Variants in UBAC2 observed in about 807,000 individuals in gnomAD.
The protein encoded by UBAC2 is UBA domain containing 2, also known as ubiquitin-associated domain-containing protein 2.
In UBAC2, 26 loss-of-function variants were observed where a neutral mutation model predicts 44.0. That is an observed-to-expected ratio of 0.59 (90% CI 0.43 to 0.82). The LOEUF (loss-of-function observed/expected upper bound fraction) is 0.82, where lower values mean the gene tolerates loss of function less well. Ranked by LOEUF, UBAC2 falls within the 40% of genes least tolerant of loss-of-function variation. The pLI, the probability that UBAC2 is intolerant of heterozygous loss-of-function variation, is 0.00. For synonymous variants in UBAC2, 155 were observed against 154.3 expected, an observed-to-expected ratio of 1.00 and a Z score of -0.04; for missense variants, 329 against 419.4, an observed-to-expected ratio of 0.78 and a Z score of 1.88.
At chr13:99,226,353 G>A (rs1449434190) in intron 1 of UBAC2, among the ~76,000 whole-genome samples, 5 of 152,138 alleles carry the variant, frequency 3.3e-5, no homozygotes, top group Non-Finnish European at 7.4e-5. Context: ...CACCCGGTTA[G>A]TCAGCATATC....
chr13:99,245,309 G>A (rs1312780146), intron 4 of UBAC2, among the ~76,000 whole-genome samples: 10 of 152,164 alleles, frequency 6.6e-5, no homozygotes, highest in Non-Finnish European at 1.5e-4. Flanking sequence ...TAATTTGTAC[G>A]AAGTTAAGCT....
rs777627786 is a variant in UBAC2 at position 99,299,613 on chromosome 13, TAAAA to T, written c.390-14479_390-14476del. Among the ~76,000 whole-genome samples the T allele has an allele frequency of 7.2e-5, 11 of 152,202 alleles. No individual in the cohort carries two copies. The South Asian group carries it at 1.0e-3, about 14-fold the overall frequency. ...TCAGTGACTGGAATGAATAAATAGG[TAAAA>T]AAAATTTTAATGGGAAAAAATTTTA... is the stretch of plus-strand genomic sequence containing the variant. On this transcript the variant is annotated intron_variant, in intron 4 of 8. Transcript: ENST00000403766.
chr13:99,276,035 T>C (rs1430461665), intron 4 of UBAC2, among the ~76,000 whole-genome samples: 1 of 152,280 alleles, frequency 6.6e-6, no homozygotes, highest in Non-Finnish European at 1.5e-5. Context: ...AAATTTTGAT[T>C]TTTAGTATTG....
In UBAC2 at chr13:99,375,163, AG is replaced by A. The variant is rs547760424; in HGVS notation, c.927+7258del. Among the ~76,000 whole-genome samples, 26 of 152,264 alleles carry A rather than the reference AG, an allele frequency of 1.7e-4. No individual in the cohort carries two copies. The East Asian group carries it at 3.9e-3, about 23-fold the overall frequency. On this transcript the variant is annotated intron_variant, in intron 8 of 8. Coordinates refer to ENST00000403766, the MANE Select transcript of UBAC2 (RefSeq NM_001144072.2). ...AAGGAGCTCAGCCAGCCTTAACTAA[AG>A]ACCTGCTCCATACAAGACCCTGACG...
At chr13:99,313,072 C>T (rs2044435617) in intron 4 of UBAC2, 1 of 152,316 alleles carries the variant, frequency 6.6e-6, no homozygotes, top group Admixed American at 6.5e-5. Context: ...AGCTCTGCCT[C>T]CTGGATTCAC....
At chr13:99,372,386 GA>G in intron 8 of UBAC2, 1 of 154,172 alleles carries the variant, frequency 6.5e-6, no homozygotes, top group Non-Finnish European at 1.4e-5. Flanking sequence ...GCTGTGGGGG[GA>G]AAATGAAGGA....
chr13:99,253,957 G>A (rs1290440850), intron 4 of UBAC2, among the ~76,000 whole-genome samples: 1 of 152,180 alleles, frequency 6.6e-6, no homozygotes, highest in Non-Finnish European at 1.5e-5. Context: ...CAGGATAATA[G>A]GGGCTTTACA....
chr13:99,216,285 A>G (rs1230365589), intron 1 of UBAC2, among the ~76,000 whole-genome samples: 1 of 152,076 alleles, frequency 6.6e-6, no homozygotes, highest in Non-Finnish European at 1.5e-5. Context: ...TTGTATTTTT[A>G]GTAGAAACAG....
chr13:99,316,623 C>T (rs537230736), intron 5 of UBAC2, among the ~76,000 whole-genome samples: 1 of 152,282 alleles, frequency 6.6e-6, no homozygotes, highest in South Asian at 2.1e-4. Context: ...CTCAAGGAGC[C>T]CAGCCATGAG....
intron 2 of UBAC2, among the ~76,000 whole-genome samples, chr13:99,239,175 C>T (rs2043272593): frequency 6.6e-6 from 1 of 152,194 alleles, no homozygotes; most frequent in South Asian, 2.1e-4. Context: ...GCATAATAAT[C>T]CATTTCTTGA....
intron 1 of UBAC2, chr13:99,215,833 C>G (rs2042987522): frequency 1.8e-6 from 1 of 551,998 alleles, no homozygotes; most frequent in Non-Finnish European, 3.2e-6. Context: ...ACCATCTACT[C>G]CTTCATCGCA....
chr13:99,214,641 A>G (rs1285347319), intron 1 of UBAC2, among the ~76,000 whole-genome samples: 1 of 151,848 alleles, frequency 6.6e-6, no homozygotes, highest in African/African-American at 2.4e-5. Context: ...CTGTGCTGTG[A>G]TCTGGTTTGG....
chr13:99,247,004 A>G (rs1359042535), intron 4 of UBAC2, among the ~76,000 whole-genome samples: 1 of 152,132 alleles, frequency 6.6e-6, no homozygotes, highest in Admixed American at 6.5e-5. Context: ...AAACATTTTT[A>G]TTATTATTTT....
intron 6 of UBAC2, among the ~76,000 whole-genome samples, chr13:99,321,592 C>T (rs1445708710): frequency 2.0e-5 from 3 of 152,174 alleles, no homozygotes; most frequent in South Asian, 4.1e-4. Context: ...CGTGAGCCAC[C>T]GTGTCTGGCC....
chr13:99,202,865 A>G (rs1271375674), intron 1 of UBAC2, among the ~76,000 whole-genome samples: 1 of 152,166 alleles, frequency 6.6e-6, no homozygotes, highest in Non-Finnish European at 1.5e-5. Context: ...GGTGCTGGGA[A>G]TGCAGCAACG....
At chr13:99,296,131 C>T (rs1175864360) in intron 4 of UBAC2, 2 of 1,599,454 alleles carry the variant, frequency 1.3e-6, no homozygotes, top group Non-Finnish European at 1.7e-6. Flanking sequence ...AATTGTTTGC[C>T]ATTTGTATAT....
At chr13:99,306,081 A>G (rs2044329730) in intron 4 of UBAC2, among the ~76,000 whole-genome samples, 1 of 152,064 alleles carries the variant, frequency 6.6e-6, no homozygotes, top group Admixed American at 6.5e-5. Flanking sequence ...TTTTTAGTAG[A>G]GATGGGGTTT....
intron 2 of UBAC2, among the ~76,000 whole-genome samples, chr13:99,242,152 C>CT (rs201744264): frequency 0.1 from 15,246 of 152,086 alleles, 734 homozygotes; most frequent in East Asian, 0.13. Flanking sequence ...TACACAGAGA[C>CT]GGCAACCATC....
chr13:99,323,242 C>G (rs908652771), intron 6 of UBAC2, among the ~76,000 whole-genome samples: 1 of 152,058 alleles, frequency 6.6e-6, no homozygotes, highest in African/African-American at 2.4e-5. Flanking sequence ...CCCAGTTAAA[C>G]TTACTTTAGA....
Sources: gnomAD v4.1 joint callset for allele counts (sites outside exome capture counted in the v4.1 genomes callset) on GRCh38, gnomAD v4.1.1 for gene constraint, MANE v1.5 for transcripts, NCBI Gene and HGNC (gene_info 2026-07-23, HGNC 2026-07-21) for gene names.